ERBB4: variants seen among roughly 807,000 people sequenced by gnomAD.
ERBB4 encodes erb-b2 receptor tyrosine kinase 4, also known as receptor tyrosine-protein kinase erbB-4.
ERBB4 carries 42 observed loss-of-function variants against 158.0 expected under a neutral mutation model. The ratio of observed to expected loss-of-function variants is 0.27; its 90% CI spans 0.21 to 0.34. ERBB4 has a LOEUF of 0.34. Among genes scored for constraint, ERBB4 ranks in the 10% least tolerant of loss-of-function variants. The pLI, the probability that ERBB4 is intolerant of heterozygous loss-of-function variation, is 1.00. For synonymous variants in ERBB4, 583 were observed against 558.7 expected, an observed-to-expected ratio of 1.04 and a Z score of -0.61; for missense variants, 1,333 against 1,624.1, an observed-to-expected ratio of 0.82 and a Z score of 3.08.
chr2:211,937,678 G>A (rs2080365562), intron 3 of ERBB4, among the ~76,000 whole-genome samples: 1 of 152,190 alleles, frequency 6.6e-6, no homozygotes, highest in Admixed American at 6.5e-5. Context: ...AGAGAAGGGG[G>A]AAGCCCCTTA....
intron 1 of ERBB4, among the ~76,000 whole-genome samples, chr2:212,386,896 T>G (rs2106426949): frequency 6.6e-6 from 1 of 152,198 alleles, no homozygotes; most frequent in African/African-American, 2.4e-5. Flanking sequence ...TTCCAATGAT[T>G]TTGTCTTATT....
At chr2:211,470,020 C>T (rs1237726072) in intron 20 of ERBB4, among the ~76,000 whole-genome samples, 1 of 151,764 alleles carries the variant, frequency 6.6e-6, no homozygotes, top group Non-Finnish European at 1.5e-5. Context: ...GAACAAGGTA[C>T]AAGTAGGTTC....
In ERBB4 at chr2:212,191,792, CTA is replaced by C. The variant is rs1156961256; in HGVS notation, c.83-66891_83-66890del. On this transcript the variant is annotated intron_variant, in intron 1 of 27. Coordinates refer to ENST00000342788, the MANE Select transcript of ERBB4 (RefSeq NM_005235.3). ...ATATATAACACGTGTGTTATATGTT[CTA>C]TATGTTATATATAATACATGTTATA... is the stretch of plus-strand genomic sequence containing the variant. Among the ~76,000 whole-genome samples the C allele has an allele frequency of 1.7e-4, 22 of 129,760 alleles. 1 individual carries two copies. The highest frequency in any genetic ancestry group is 5.0e-4 in the African/African-American group (17 of 34,208). The allele number at this position is 129,760 out of a possible 152,430, so 85.1% of individuals were successfully genotyped here.
chr2:211,884,231 C>G (rs1005702105), intron 3 of ERBB4, among the ~76,000 whole-genome samples: 1 of 152,128 alleles, frequency 6.6e-6, no homozygotes, highest in African/African-American at 2.4e-5. Context: ...CTTGTTTCAG[C>G]TTATTTCTAA....
chr2:212,199,954 T>C (rs1023723449), intron 1 of ERBB4, among the ~76,000 whole-genome samples: 2 of 152,162 alleles, frequency 1.3e-5, no homozygotes, highest in Admixed American at 1.3e-4. Flanking sequence ...TTCATGAAGT[T>C]AAACTGTATG....
At position 211,861,353 on chromosome 2, in the gene ERBB4, T is replaced by TG. The variant is rs1409339260; in HGVS notation, c.422-73195_422-73194insC. On this transcript the variant is annotated intron_variant, in intron 3 of 27. Coordinates refer to ENST00000342788, the MANE Select transcript of ERBB4 (RefSeq NM_005235.3). The stretch of plus-strand genomic sequence containing the variant: ...TTTTTTTTTTTGTTTTTTTTTTGTT[T>TG]TTTTTTTTTTTTTTTTACTTTTAGC... Among the ~76,000 whole-genome samples the TG allele has an allele frequency of 9.4e-3, 127 of 13,526 alleles. 2 individuals are homozygous for TG. The highest frequency in any genetic ancestry group is 0.033 in the African/African-American group (120 of 3,670). The allele number at this position is 13,526 out of a possible 152,430, so 8.9% of individuals were successfully genotyped here.
intron 1 of ERBB4, among the ~76,000 whole-genome samples, chr2:212,370,520 T>C (rs548473090): frequency 6.6e-6 from 1 of 152,312 alleles, no homozygotes; most frequent in African/African-American, 2.4e-5. Context: ...ATAGAAGTTA[T>C]GAAAACTGAT....
chr2:211,947,245 T>G (rs771274319), intron 3 of ERBB4, among the ~76,000 whole-genome samples, 185 bp downstream of exon 3: 7 of 152,148 alleles, frequency 4.6e-5, no homozygotes, highest in Non-Finnish European at 1.0e-4. Flanking sequence ...CACACTAAAC[T>G]TACAAAATCT....
chr2:211,418,077 A>G, intron 25 of ERBB4, among the ~76,000 whole-genome samples: 1 of 132,744 alleles, frequency 7.5e-6, no homozygotes, highest in South Asian at 2.8e-4. Context: ...TATTTTCAAA[A>G]TGCATTATTT....
At chr2:212,027,920 G>T (rs964590723) in intron 2 of ERBB4, among the ~76,000 whole-genome samples, 2 of 151,888 alleles carry the variant, frequency 1.3e-5, no homozygotes, top group African/African-American at 4.8e-5. Flanking sequence ...ATAGTATTTT[G>T]AGAGCAGAAA....
At chr2:211,416,979 T>C (rs2063408076) in intron 25 of ERBB4, among the ~76,000 whole-genome samples, 1 of 152,180 alleles carries the variant, frequency 6.6e-6, no homozygotes, top group Non-Finnish European at 1.5e-5. Flanking sequence ...TCCACACTAT[T>C]GGAGCATCTA....
chr2:211,658,665 C>A (rs1013100338), intron 15 of ERBB4, among the ~76,000 whole-genome samples: 1 of 152,008 alleles, frequency 6.6e-6, no homozygotes, highest in Non-Finnish European at 1.5e-5. Flanking sequence ...AACAGGTAAA[C>A]AAAAACAAGT....
intron 16 of ERBB4, among the ~76,000 whole-genome samples, chr2:211,648,351 T>G (rs1027760273): frequency 6.6e-6 from 1 of 151,760 alleles, no homozygotes. Flanking sequence ...TAAATAATCA[T>G]GCATGTAAAT....
At chr2:212,464,766 A>C (rs1688743765) in intron 1 of ERBB4, among the ~76,000 whole-genome samples, 1 of 152,150 alleles carries the variant, frequency 6.6e-6, no homozygotes, top group South Asian at 2.1e-4. Context: ...CCCACAAAAC[A>C]AATGGTGGTC....
chr2:211,763,856 G>C (rs2075478201), intron 4 of ERBB4, among the ~76,000 whole-genome samples: 1 of 150,950 alleles, frequency 6.6e-6, no homozygotes, highest in African/African-American at 2.4e-5. Flanking sequence ...ATCTGTCAAA[G>C]GGACTTGCTG....
chr2:212,188,558 G>C (rs1411650501), intron 1 of ERBB4, among the ~76,000 whole-genome samples: 1 of 151,776 alleles, frequency 6.6e-6, no homozygotes, highest in East Asian at 1.9e-4. Flanking sequence ...CGTGGTTTTA[G>C]TAAACTTGGC....
At chr2:212,094,876 ATTAT>A (rs2078881506) in intron 2 of ERBB4, among the ~76,000 whole-genome samples, 3 of 152,074 alleles carry the variant, frequency 2.0e-5, no homozygotes, top group Admixed American at 6.5e-5. Context: ...TGTCATAAAG[ATTAT>A]TTATTACATT....
intron 3 of ERBB4, among the ~76,000 whole-genome samples, chr2:211,816,198 A>AT (rs2076877033): frequency 1.3e-5 from 2 of 152,162 alleles, no homozygotes; most frequent in African/African-American, 4.8e-5. Flanking sequence ...TACAATGCTG[A>AT]TTAAATGTAA....
chr2:211,861,109 A>ATTT (rs1553648393), intron 3 of ERBB4, among the ~76,000 whole-genome samples: 6 of 36,706 alleles, frequency 1.6e-4, no homozygotes, highest in Admixed American at 1.4e-3. Flanking sequence ...CATTATATAT[A>ATTT]TTTATATATA....
Sources: allele counts gnomAD v4.1 joint callset (sites outside exome capture counted in the v4.1 genomes callset), GRCh38; gene constraint gnomAD v4.1.1; transcripts MANE v1.5; gene names NCBI Gene and HGNC (gene_info 2026-07-23, HGNC 2026-07-21).